DUSP29: variants seen among roughly 807,000 people sequenced by gnomAD.
DUSP29 encodes atypical dual-specific protein phosphatase.
In DUSP29, 12 loss-of-function variants were observed where a neutral mutation model predicts 13.5. The observed-to-expected ratio is 0.89, with a 90% confidence interval of 0.57 to 1.44. The LOEUF is 1.44. Ranked by LOEUF, DUSP29 falls within the 40% of genes most tolerant of loss-of-function variation. The pLI is 0.00. For missense variants in DUSP29, 308 were observed against 301.1 expected, an observed-to-expected ratio of 1.02 and a Z score of -0.17; for synonymous variants, 134 against 128.7, an observed-to-expected ratio of 1.04 and a Z score of -0.28.
At chr10:75,072,700 C>T (rs1016577389) in intron 1 of DUSP29, among the ~76,000 whole-genome samples, 5 of 152,110 alleles carry the variant, frequency 3.3e-5, no homozygotes, top group African/African-American at 1.2e-4. Context: ...GTGTGGCAAC[C>T]TCTCCAGACA....
intron 1 of DUSP29, among the ~76,000 whole-genome samples, chr10:75,059,285 TGTGGGAGAGGA>T (rs1253822626): frequency 6.6e-6 from 1 of 152,102 alleles, no homozygotes; most frequent in Admixed American, 6.5e-5. Flanking sequence ...GCCAGTGGAA[TGTGGGAGAGGA>T]CTTTCCATTG....
At chr10:75,056,140 C>T (rs1460520182) in intron 2 of DUSP29, among the ~76,000 whole-genome samples, 2 of 152,060 alleles carry the variant, frequency 1.3e-5, no homozygotes, top group South Asian at 4.1e-4. Context: ...CCAACTCCTG[C>T]CCTCAAGCGA....
chr10:75,058,418 A>T lies in DUSP29; in HGVS notation c.97T>A (p.Tyr33Asn). The change falls in exon 2 of 4, where the codon TAC (tyrosine) becomes AAC (asparagine). Residue 33 changes from tyrosine to asparagine, a missense_variant. By Grantham distance (143) the Tyr-to-Asn change is moderately radical (BLOSUM62 -2). Coordinates refer to ENST00000338487, the MANE Select transcript of DUSP29 (RefSeq NM_001003892.3). Reference protein sequence around the residue: ...KMEEEGEEEDYCTPGAFELER... With the variant: ...KMEEEGEEEDNCTPGAFELER... ...AGCTCAAAGGCTCCAGGGGTGCAGT[A>T]GTCCTCCTCCTCCCCTTCCTCCTCC... The T allele has an allele frequency of 6.2e-7, 1 of 1,614,222 alleles. No homozygotes were observed. The highest frequency in any genetic ancestry group is 8.5e-7 in the Non-Finnish European group (1 of 1,180,026).
intron 2 of DUSP29, among the ~76,000 whole-genome samples, chr10:75,044,265 C>G (rs1283564519): frequency 1.3e-5 from 2 of 152,018 alleles, no homozygotes; most frequent in Non-Finnish European, 2.9e-5. Flanking sequence ...GCTATTCGTT[C>G]GTCCATTAGT....
intron 3 of DUSP29, among the ~76,000 whole-genome samples, chr10:75,040,250 C>T (rs565551457): frequency 6.6e-6 from 1 of 152,302 alleles, no homozygotes; most frequent in South Asian, 2.1e-4. Context: ...GAGAATCAAC[C>T]TCCTGCTTGA....
intron 1 of DUSP29, among the ~76,000 whole-genome samples, chr10:75,063,959 G>T (rs1197818486): frequency 1.3e-5 from 2 of 152,156 alleles, no homozygotes; most frequent in Non-Finnish European, 2.9e-5. Context: ...TGACCACTAA[G>T]GCCTGGAGTG....
At chr10:75,052,612 C>T (rs749405927) in intron 2 of DUSP29, among the ~76,000 whole-genome samples, 15 of 151,802 alleles carry the variant, frequency 9.9e-5, no homozygotes, top group East Asian at 5.8e-4. Flanking sequence ...CGGCCATCCC[C>T]GGCTAATTTT....
rs892669683 is a variant in DUSP29, at chr10:75,046,131, A to AAAAG, written c.201-2118_201-2115dup. 2.8e-5 allele frequency among the ~76,000 whole-genome samples: 4 copies of AAAAG among 143,224 alleles called. No homozygotes were observed. The East Asian group carries it at 8.0e-4, about 29-fold the overall frequency. 94.0% of individuals were successfully genotyped at this position (143,224 alleles called of 152,430 possible). ...TGTCTTTAAAAAAAAAAGAAAAGAA[A>AAAAG]AAAGAAAGAAAGAAAAAGAAAAATC... On this transcript the variant is annotated intron_variant, in intron 2 of 3. Coordinates refer to ENST00000338487, the MANE Select transcript of DUSP29 (RefSeq NM_001003892.3).
intron 3 of DUSP29, among the ~76,000 whole-genome samples, chr10:75,038,371 C>G (rs1253397681): frequency 6.6e-6 from 1 of 152,156 alleles, no homozygotes; most frequent in Non-Finnish European, 1.5e-5. Flanking sequence ...GCACCATGGC[C>G]AGAAAGCAAG....
intron 2 of DUSP29, among the ~76,000 whole-genome samples, chr10:75,057,058 C>G (rs1334840659): frequency 6.6e-6 from 1 of 152,034 alleles, no homozygotes; most frequent in Non-Finnish European, 1.5e-5. Flanking sequence ...GGCAGATCAA[C>G]TGAGGTCAGG....
chr10:75,061,375 C>T lies in DUSP29; in HGVS notation c.-34-2827G>A, dbSNP rs146683157. ...GGTTTGTGACTTCCTCCAACAACTT[C>T]CTGCTTCCTGGTGAAGTGTGGAGAG... On this transcript the variant is annotated intron_variant, in intron 1 of 3. Coordinates refer to ENST00000338487, the MANE Select transcript of DUSP29 (RefSeq NM_001003892.3). Among the ~76,000 whole-genome samples the T allele has an allele frequency of 6.8e-3, 1,038 of 152,258 alleles. 8 individuals are homozygous for T. Among genetic ancestry groups the T allele is most frequent in the Middle Eastern group, 0.048 (14 of 294 alleles).
chr10:75,064,104 T>C (rs188012713), intron 1 of DUSP29, among the ~76,000 whole-genome samples: 1 of 152,058 alleles, frequency 6.6e-6, no homozygotes, highest in African/African-American at 2.4e-5. Flanking sequence ...TGGAGTGCAG[T>C]GGCACAGCTC....
At chr10:75,054,475 A>G (rs1300288558) in intron 2 of DUSP29, among the ~76,000 whole-genome samples, 1 of 152,224 alleles carries the variant, frequency 6.6e-6, no homozygotes. Flanking sequence ...AATGTTTATG[A>G]ATGATGCTAT....
chr10:75,058,354 T>C lies in DUSP29; in HGVS notation c.161A>G (p.His54Arg). The change falls in exon 2 of 4, where the codon CAC (histidine) becomes CGC (arginine). Residue 54 changes from histidine to arginine, a missense_variant. His to Arg is a conservative substitution (Grantham distance 29, BLOSUM62 0). Transcript: ENST00000338487. The stretch of plus-strand genomic sequence containing the variant: ...GAGCTTGGGCCAGACCTCGTTGACG[T>C]GGGTGTACTGGGGACTGCCCTTCCA... ...LFWKGSPQYT[H>R]VNEVWPKLYI... The C allele has an allele frequency of 6.2e-7, 1 of 1,614,100 alleles. No individual in the cohort carries two copies.
intron 2 of DUSP29, among the ~76,000 whole-genome samples, chr10:75,048,811 C>T (rs1311243469): frequency 1.3e-5 from 2 of 152,154 alleles, no homozygotes; most frequent in African/African-American, 4.8e-5. Context: ...CTTGGGTGTT[C>T]TTGTTACTTG....
chr10:75,065,692 T>TGGGCCTCAC (rs1847186365), intron 1 of DUSP29, among the ~76,000 whole-genome samples: 1 of 148,000 alleles, frequency 6.8e-6, no homozygotes, highest in Non-Finnish European at 1.5e-5. Flanking sequence ...ATTTAAGGAT[T>TGGGCCTCAC]TTTTTTTTTT....
intron 1 of DUSP29, among the ~76,000 whole-genome samples, chr10:75,072,942 G>A (rs768839228): frequency 2.6e-5 from 4 of 151,702 alleles, no homozygotes; most frequent in Admixed American, 6.6e-5. Flanking sequence ...GCCCACACGC[G>A]GTACAGCCTA....
At position 75,062,456 on chromosome 10, in the gene DUSP29, C is replaced by G. The variant is rs189234888; in HGVS notation, c.-34-3908G>C. Among the ~76,000 whole-genome samples, 12 of 152,286 alleles carry G rather than the reference C, an allele frequency of 7.9e-5. No individual in the cohort carries two copies. The East Asian group carries it at 2.3e-3, about 29-fold the overall frequency. On this transcript the variant is annotated intron_variant, in intron 1 of 3. Transcript: ENST00000338487. The stretch of plus-strand genomic sequence containing the variant: ...ATTACACTGTGGAGGGAACCATCCC[C>G]GTCTCCATCTCTGTGCTGAAAGCCT...
At chr10:75,053,916 G>A (rs1846899282) in intron 2 of DUSP29, among the ~76,000 whole-genome samples, 1 of 152,178 alleles carries the variant, frequency 6.6e-6, no homozygotes, top group Non-Finnish European at 1.5e-5. Flanking sequence ...TTGTAAAATG[G>A]TTCCTCCTTT....
Sources: gnomAD v4.1 joint callset for allele counts (sites outside exome capture counted in the v4.1 genomes callset) on GRCh38, gnomAD v4.1.1 for gene constraint, MANE v1.5 for transcripts, NCBI Gene and HGNC (gene_info 2026-07-23, HGNC 2026-07-21) for gene names.